The following SUGCT variants were observed in gnomAD, a reference collection of about 807,000 sequenced individuals.
SUGCT encodes the protein succinyl-CoA:glutarate-CoA transferase.
Under a neutral mutation model 55.0 loss-of-function variants are expected in SUGCT, and 41 were observed. That is an observed-to-expected ratio of 0.74 (90% CI 0.58 to 0.97). SUGCT has a LOEUF of 0.97. Among genes scored for constraint, SUGCT ranks in the 50% least tolerant of loss-of-function variants. The pLI is 0.00. For missense variants in SUGCT, 568 were observed against 547.8 expected (o/e 1.04, Z -0.37); for synonymous variants, 187 against 200.4 (o/e 0.93, Z 0.56).
chr7:40,951,534 A>C, the SUGCT span, among the ~76,000 whole-genome samples: 4 of 152,004 alleles, frequency 2.6e-5, no homozygotes, highest in African/African-American at 9.7e-5. Context: ...TAGTTCTTTT[A>C]ATTGTGATGT....
At chr7:40,485,801 A>T (rs1294255019) in intron 11 of SUGCT, among the ~76,000 whole-genome samples, 1 of 152,108 alleles carries the variant, frequency 6.6e-6, no homozygotes, top group Non-Finnish European at 1.5e-5. Context: ...TTTCTGCATC[A>T]AGTGAAATGA....
intron 9 of SUGCT, among the ~76,000 whole-genome samples, chr7:40,435,367 A>G (rs1013911511): frequency 6.6e-6 from 1 of 152,124 alleles, no homozygotes; most frequent in Non-Finnish European, 1.5e-5. Flanking sequence ...TATTGTTAGC[A>G]TGCTTGCCTT....
In SUGCT at chr7:40,860,320, A is replaced by G; in HGVS notation, c.1158A>G (p.Pro386=). 6.2e-7 allele frequency: 1 copy of G among 1,613,972 alleles called. No individual in the cohort carries two copies. The highest frequency in any genetic ancestry group is 1.1e-5 in the South Asian group (1 of 91,078). ...GCTTTCCTTCTCCTTTGGCAGGCCC[A>G]GCTGTGAGATACAGTAAGTTCAAGA... is the stretch of plus-strand genomic sequence containing the variant. The part of the protein sequence containing the change: ...PTVGKISVPG[P]AVRYSKFKMS... Residue 386 remains proline (P), a synonymous_variant, in exon 14 of 14, where the codon CCA becomes CCG. Coordinates refer to ENST00000335693, the MANE Select transcript of SUGCT (RefSeq NM_001193313.2).
intron 12 of SUGCT, among the ~76,000 whole-genome samples, chr7:40,509,749 TG>T (rs1329210015): frequency 2.6e-5 from 4 of 152,286 alleles, no homozygotes; most frequent in African/African-American, 9.6e-5. Context: ...AAGTTAATCA[TG>T]TTACCACTTG....
rs577756490 is a variant in SUGCT, at chr7:40,777,462, T to A, written c.1153+27965T>A. On this transcript the variant is annotated intron_variant, in intron 13 of 13. Transcript: ENST00000335693. ...ATGTTTCCATGGTGGGTTTTTTTTT[T>A]TAAAATCAGTTCACTTTTTTGGGTC... Among the ~76,000 whole-genome samples the A allele has an allele frequency of 8.5e-5, 13 of 152,128 alleles. No individual in the cohort carries two copies. The South Asian group carries it at 1.0e-3, about 12-fold the overall frequency.
chr7:40,827,987 G>A (rs181286236), intron 13 of SUGCT, among the ~76,000 whole-genome samples: 2 of 152,266 alleles, frequency 1.3e-5, no homozygotes, highest in African/African-American at 4.8e-5. Context: ...AATGACAGTG[G>A]TCAAGCTGCT....
At chr7:40,711,413 A>C (rs1274356950) in intron 12 of SUGCT, among the ~76,000 whole-genome samples, 1 of 151,988 alleles carries the variant, frequency 6.6e-6, no homozygotes, top group East Asian at 1.9e-4. Flanking sequence ...GGGAGGCTGA[A>C]GCAGGAGAAT....
At chr7:40,839,007 G>A (rs1382296752) in intron 13 of SUGCT, among the ~76,000 whole-genome samples, 1 of 142,690 alleles carries the variant, frequency 7.0e-6, no homozygotes, top group Non-Finnish European at 1.5e-5. Context: ...TGCATCAATT[G>A]ATATGATCAC....
At chr7:40,316,280 A>T (rs1426422452) in intron 8 of SUGCT, among the ~76,000 whole-genome samples, 4 of 152,202 alleles carry the variant, frequency 2.6e-5, no homozygotes, top group Non-Finnish European at 5.9e-5. Flanking sequence ...GAGGTTTATT[A>T]TTATTACTTT....
At chr7:40,501,314 A>G (rs899135900) in intron 12 of SUGCT, among the ~76,000 whole-genome samples, 2 of 152,190 alleles carry the variant, frequency 1.3e-5, no homozygotes, top group Non-Finnish European at 2.9e-5. Context: ...GTGATTAAAT[A>G]AAATAAAAAT....
intron 9 of SUGCT, among the ~76,000 whole-genome samples, chr7:40,338,507 A>G (rs1053987279): frequency 2.6e-5 from 4 of 152,118 alleles, no homozygotes; most frequent in African/African-American, 7.2e-5. Flanking sequence ...TTGATCTTCA[A>G]TCACTGATAG....
intron 11 of SUGCT, among the ~76,000 whole-genome samples, chr7:40,472,230 T>C (rs1562801068): frequency 6.6e-6 from 1 of 152,248 alleles, no homozygotes; most frequent in Admixed American, 6.5e-5. Context: ...ATAAAGACAA[T>C]GATAAGTACA....
chr7:40,857,935 G>A (rs546653589), intron 13 of SUGCT, among the ~76,000 whole-genome samples: 1 of 152,216 alleles, frequency 6.6e-6, no homozygotes, highest in East Asian at 1.9e-4. Flanking sequence ...AATCCAAGTT[G>A]TTGAACCCAA....
At chr7:40,720,788 C>T (rs2009693) in intron 12 of SUGCT, among the ~76,000 whole-genome samples, 11,000 of 152,158 alleles carry the variant, frequency 0.072, 823 homozygotes, top group East Asian at 0.3. Flanking sequence ...GCATCCCTTA[C>T]GTATCATCTT....
intron 12 of SUGCT, among the ~76,000 whole-genome samples, chr7:40,588,219 A>C (rs1797505595): frequency 6.6e-6 from 1 of 151,084 alleles, no homozygotes; most frequent in Non-Finnish European, 1.5e-5. Context: ...TGTATTTCTA[A>C]GAAAATTCTC....
chr7:40,389,470 C>CAAACA (rs746298803), intron 9 of SUGCT, among the ~76,000 whole-genome samples: 2 of 37,138 alleles, frequency 5.4e-5, no homozygotes, highest in East Asian at 1.5e-3. Flanking sequence ...AACAAACAAA[C>CAAACA]AAGCAAAAAG....
At chr7:40,706,468 T>C (rs1018723097) in intron 12 of SUGCT, among the ~76,000 whole-genome samples, 15 of 152,162 alleles carry the variant, frequency 9.9e-5, no homozygotes, top group African/African-American at 3.6e-4. Context: ...ATTGTGGCAC[T>C]GCACTCCAAC....
intron 12 of SUGCT, among the ~76,000 whole-genome samples, chr7:40,691,881 C>G (rs1423513585): frequency 6.6e-6 from 1 of 152,108 alleles, no homozygotes; most frequent in Non-Finnish European, 1.5e-5. Flanking sequence ...TTTCAAGAGA[C>G]ACAAAAATTT....
chr7:40,605,782 T>A (rs889083635), intron 12 of SUGCT, among the ~76,000 whole-genome samples: 1 of 152,172 alleles, frequency 6.6e-6, no homozygotes, highest in Non-Finnish European at 1.5e-5. Flanking sequence ...TTAAAAGATA[T>A]TTGTATGTTT....
Sources: allele counts gnomAD v4.1 joint callset (sites outside exome capture counted in the v4.1 genomes callset), GRCh38; gene constraint gnomAD v4.1.1; transcripts MANE v1.5; gene names NCBI Gene and HGNC (gene_info 2026-07-23, HGNC 2026-07-21).